Variants in SLC27A2 observed in about 807,000 individuals in gnomAD.
SLC27A2 encodes the protein solute carrier family 27 member 2, also known as long-chain fatty acid transport protein 2.
In SLC27A2, 54 loss-of-function variants were observed where a neutral mutation model predicts 60.0. The observed-to-expected ratio is 0.90, with a 90% CI of 0.72 to 1.13. The LOEUF (loss-of-function observed/expected upper bound fraction) is 1.13. SLC27A2 is among the 50% of genes most tolerant of loss of function. SLC27A2 has a pLI of 0.00. For missense variants in SLC27A2, 739 were observed against 777.6 expected (o/e 0.95, Z 0.59); for synonymous variants, 297 against 297.6 (o/e 1.00, Z 0.02).
intron 1 of SLC27A2, among the ~76,000 whole-genome samples, chr15:50,185,237 G>A (rs1416249022): frequency 6.6e-6 from 1 of 152,176 alleles, no homozygotes; most frequent in Admixed American, 6.5e-5. Flanking sequence ...ATAGAGCTAT[G>A]TGTTTACATA....
intron 1 of SLC27A2, among the ~76,000 whole-genome samples, chr15:50,190,236 G>A (rs1335410174): frequency 1.3e-5 from 2 of 152,142 alleles, no homozygotes; most frequent in Non-Finnish European, 2.9e-5. Flanking sequence ...TGTCTTCAAG[G>A]ACTATGTTAT....
At chr15:50,215,841 C>A (rs189742382) in intron 4 of SLC27A2, among the ~76,000 whole-genome samples, 1 of 152,144 alleles carries the variant, frequency 6.6e-6, no homozygotes, top group Admixed American at 6.5e-5. Context: ...AAACCTGACA[C>A]GCGAAACTAT....
intron 9 of SLC27A2, among the ~76,000 whole-genome samples, chr15:50,235,588 C>T (rs759890139): frequency 3.9e-5 from 6 of 152,136 alleles, no homozygotes; most frequent in South Asian, 4.1e-4. Context: ...ACTTTCACTT[C>T]GCTAGAAAAT....
chr15:50,204,560 C>T (rs1365817768), intron 3 of SLC27A2, among the ~76,000 whole-genome samples: 1 of 151,802 alleles, frequency 6.6e-6, no homozygotes, highest in East Asian at 1.9e-4. Context: ...AGTGAAACCC[C>T]TTCTCTACTA....
At chr15:50,194,043 G>C (rs1400194292) in intron 1 of SLC27A2, among the ~76,000 whole-genome samples, 1 of 152,110 alleles carries the variant, frequency 6.6e-6, no homozygotes, top group Admixed American at 6.5e-5. Context: ...TTACTTGAGA[G>C]GCTGAAATGG....
intron 1 of SLC27A2, 55 bp from the exon 2 acceptor site, chr15:50,197,445 T>C: frequency 1.4e-6 from 2 of 1,390,394 alleles, no homozygotes; most frequent in Non-Finnish European, 2.0e-6. Flanking sequence ...GAAGCACTAA[T>C]AGAACTTTAA....
chr15:50,182,579 C>A lies in SLC27A2; in HGVS notation c.152C>A (p.Pro51Gln), dbSNP rs777652108. ...GTGCGCAGCTACGGGAAGCGGCGGC[C>A]GGCGCGCACCATCCTGCGGGCGTTC... ...RRVRSYGKRR[P>Q]ARTILRAFLE... Residue 51 changes from proline (P) to glutamine (Q), a missense_variant, in exon 1 of 10, where the codon CCG (proline) becomes CAG (glutamine). Pro to Gln is a moderately conservative substitution (Grantham distance 76, BLOSUM62 -1). Transcript: ENST00000267842. 6.2e-7 allele frequency: 1 copy of A among 1,611,998 alleles called. No individual in the cohort carries two copies. The highest frequency in any genetic ancestry group is 1.1e-5 in the South Asian group (1 of 90,994).
rs770529529 is a variant in SLC27A2, at chr15:50,228,996, G to C, written c.1509G>C (p.Leu503=). 1 of 1,614,000 alleles carries C rather than the reference G, an allele frequency of 6.2e-7. No homozygotes were observed. The highest frequency in any genetic ancestry group is 1.1e-5 in the South Asian group (1 of 91,078). Residue 503 remains leucine, a synonymous_variant, in exon 8 of 10, where the codon CTG becomes CTC. Coordinates refer to ENST00000267842, the MANE Select transcript of SLC27A2 (RefSeq NM_003645.4). Reference sequence around the variant, plus strand: ...CTGAAGTTGCTGATACAGTTGGACTGGTTGATTTTGTCCAAGAAGTAAATG... The same window carrying C: ...CTGAAGTTGCTGATACAGTTGGACTCGTTGATTTTGTCCAAGAAGTAAATG... ...ATTEVADTVG[L]VDFVQEVNVY...
intron 9 of SLC27A2, 103 bp downstream of exon 9, chr15:50,234,101 T>G: frequency 9.0e-7 from 1 of 1,115,574 alleles, no homozygotes; most frequent in Admixed American, 2.3e-5. Context: ...TTGCCAAGTT[T>G]TCACCGCACT....
intron 4 of SLC27A2, among the ~76,000 whole-genome samples, chr15:50,212,146 G>A (rs2045162896): frequency 6.6e-6 from 1 of 150,448 alleles, no homozygotes; most frequent in South Asian, 2.1e-4. Flanking sequence ...TTTTAGAAAT[G>A]CTAAATGCTC....
At chr15:50,200,326 G>C (rs913668862) in intron 2 of SLC27A2, among the ~76,000 whole-genome samples, 1 of 152,044 alleles carries the variant, frequency 6.6e-6, no homozygotes, top group Non-Finnish European at 1.5e-5. Flanking sequence ...TACCTGGGGG[G>C]CTGAGACAGG....
intron 4 of SLC27A2, among the ~76,000 whole-genome samples, chr15:50,217,868 A>G (rs2045211127): frequency 6.6e-6 from 1 of 152,012 alleles, no homozygotes. Context: ...AGCCTGGCCA[A>G]CATGGTGAAA....
intron 1 of SLC27A2, among the ~76,000 whole-genome samples, chr15:50,195,330 A>AAC (rs1555500376): frequency 2.0e-5 from 3 of 151,102 alleles, no homozygotes; most frequent in African/African-American, 7.3e-5. Flanking sequence ...AAAAAAAACA[A>AAC]AAACAAACAA....
rs770960290 is a variant in SLC27A2, at chr15:50,223,131, C to T, written c.1139C>T (p.Ala380Val). 5.0e-6 allele frequency: 8 copies of T among 1,613,190 alleles called. No individual in the cohort carries two copies. In the East Asian group the frequency reaches 1.1e-4, roughly 22 times the overall value. The change falls in exon 5 of 10, where the codon GCT becomes GTT. Residue 380 changes from alanine to valine, a missense_variant. Physicochemically the swap from Ala to Val is moderately conservative, Grantham distance 64 (BLOSUM62 0). Coordinates refer to ENST00000267842, the MANE Select transcript of SLC27A2 (RefSeq NM_003645.4). ...ATGAATTATGCGAGAAAAGTTGGTG[C>T]TGTTGGAAGAGTAAACTACCTACAG... The part of the protein sequence containing the change: ...GFMNYARKVG[A>V]VGRVNYLQKK...
intron 4 of SLC27A2, among the ~76,000 whole-genome samples, chr15:50,209,694 C>T (rs533349125): frequency 1.3e-5 from 2 of 152,264 alleles, no homozygotes; most frequent in East Asian, 3.9e-4. Flanking sequence ...TGAGAATACA[C>T]AGAAGGATGA....
chr15:50,215,597 G>A (rs981328112), intron 4 of SLC27A2, among the ~76,000 whole-genome samples: 3 of 152,082 alleles, frequency 2.0e-5, no homozygotes, highest in Non-Finnish European at 2.9e-5. Flanking sequence ...AAACAGCATG[G>A]TACTGGTATA....
At position 50,203,077 on chromosome 15, in the gene SLC27A2, ACC is replaced by A. The variant is rs552113852; in HGVS notation, c.847+434_847+435del. On this transcript the variant is annotated intron_variant, in intron 3 of 9. Transcript: ENST00000267842. ...GTGGCTCAAGTCTGTAGTCCCAGCT[ACC>A]CAGGAGGCTGAAGTAGAAGAATTGC... Among the ~76,000 whole-genome samples the A allele has an allele frequency of 3.3e-5, 5 of 151,640 alleles. No individual in the cohort carries two copies. In the East Asian group the frequency reaches 9.7e-4, roughly 29 times the overall value.
rs779590876 is a variant in SLC27A2 at position 50,182,829 on chromosome 15, C to T, written c.402C>T (p.Leu134=). The change falls in exon 1 of 10, where the codon CTC becomes CTT. Residue 134 remains leucine (L), a synonymous_variant. Coordinates refer to ENST00000267842, the MANE Select transcript of SLC27A2 (RefSeq NM_003645.4). ...AGCTGGGCTGTGCCATGGCGTGCCT[C>T]AATTACAACATCCGCGCGAAGTCCC... ...LVKLGCAMAC[L]NYNIRAKSLL... is the part of the protein sequence containing the mutation. The T allele has an allele frequency of 2.2e-5, 36 of 1,613,380 alleles. No homozygotes were observed. Among genetic ancestry groups the T allele is most frequent in the Non-Finnish European group, 2.5e-5 (30 of 1,179,980 alleles).
In SLC27A2 at chr15:50,230,775, ATGT is replaced by A. The variant is rs144329284; in HGVS notation, c.1555+1737_1555+1739del. Among the ~76,000 whole-genome samples the A allele has an allele frequency of 4.5e-3, 685 of 152,296 alleles. 14 individuals are homozygous for A. Among genetic ancestry groups the A allele is most frequent in the Admixed American group, 0.037 (559 of 15,282 alleles). On this transcript the variant is annotated intron_variant, in intron 8 of 9. Coordinates refer to ENST00000267842, the MANE Select transcript of SLC27A2 (RefSeq NM_003645.4). Reference sequence around the variant, plus strand: ...TACGCTCTTGCAGACCCTTCCTCAAATGTTGTGTAAACATCTAAATGCTTGATT... The same window carrying A: ...TACGCTCTTGCAGACCCTTCCTCAAATGTGTAAACATCTAAATGCTTGATT...
Sources: gnomAD v4.1 joint callset for allele counts (sites outside exome capture counted in the v4.1 genomes callset) on GRCh38, gnomAD v4.1.1 for gene constraint, MANE v1.5 for transcripts, NCBI Gene and HGNC (gene_info 2026-07-23, HGNC 2026-07-21) for gene names.